The following GABPB1 variants were observed in gnomAD, a reference collection of about 807,000 sequenced individuals.
GABPB1 encodes the protein GA-binding protein subunit beta-1.
Under a neutral mutation model 45.9 loss-of-function variants are expected in GABPB1, and 15 were observed. The ratio of observed to expected loss-of-function variants is 0.33; its 90% CI spans 0.22 to 0.50. The LOEUF (loss-of-function observed/expected upper bound fraction) is 0.50. Ranked by LOEUF, GABPB1 falls within the 20% of genes least tolerant of loss-of-function variation. The pLI is 0.98. For synonymous variants in GABPB1, 143 were observed against 154.4 expected (o/e 0.93, Z 0.55); for missense variants, 252 against 457.5 (o/e 0.55, Z 4.10).
At chr15:50,329,060 GC>G (rs1216229824) in intron 1 of GABPB1, among the ~76,000 whole-genome samples, 1 of 152,084 alleles carries the variant, frequency 6.6e-6, no homozygotes, top group Non-Finnish European at 1.5e-5. Flanking sequence ...TTTCGATTTG[GC>G]TTTTCCATCT....
rs61483731 is a variant in GABPB1 at position 50,321,703 on chromosome 15, G to GAA, written c.1-11907_1-11906dup. ...GGCAATAGAGCAAGACTCCGTCTCAGAAAAAAAAAAAAAAAGCTCAATAAA... is the reference window on the plus strand; with the variant it reads ...GGCAATAGAGCAAGACTCCGTCTCAGAAAAAAAAAAAAAAAAAGCTCAATAAA... On this transcript the variant is annotated intron_variant, in intron 1 of 8. Transcript: ENST00000380877. Among the ~76,000 whole-genome samples, 234 of 123,082 alleles carry GAA rather than the reference G, an allele frequency of 1.9e-3. 2 individuals are homozygous for GAA. The highest frequency in any genetic ancestry group is 4.7e-3 in the Admixed American group (57 of 12,042). The allele number at this position is 123,082 out of a possible 152,430, so 80.7% of individuals were successfully genotyped here.
chr15:50,337,031 T>G (rs2048154077), intron 1 of GABPB1, among the ~76,000 whole-genome samples: 2 of 117,012 alleles, frequency 1.7e-5, no homozygotes. Flanking sequence ...GACAAAAGAG[T>G]GAGACCTTGC....
chr15:50,300,680 G>A, intron 6 of GABPB1, 109 bp downstream of exon 6: 1 of 669,836 alleles, frequency 1.5e-6, no homozygotes, highest in Admixed American at 2.2e-5. Context: ...CCTGAGCTCA[G>A]GCAATCCACC....
chr15:50,293,650 T>G (rs1363991600), intron 6 of GABPB1, among the ~76,000 whole-genome samples: 1 of 152,208 alleles, frequency 6.6e-6, no homozygotes, highest in Non-Finnish European at 1.5e-5. Context: ...GAATGCTAAC[T>G]ACAGATAGTA....
intron 8 of GABPB1, among the ~76,000 whole-genome samples, chr15:50,281,564 T>C (rs1177122867): frequency 6.6e-6 from 1 of 152,196 alleles, no homozygotes. Flanking sequence ...TATTTGCTTG[T>C]GTGTAAACAT....
At chr15:50,288,837 T>A (rs1225585887) in intron 7 of GABPB1, among the ~76,000 whole-genome samples, 1 of 152,004 alleles carries the variant, frequency 6.6e-6, no homozygotes, top group African/African-American at 2.4e-5. Flanking sequence ...TTTTTTTTTC[T>A]TTTTCTGAGA....
intron 1 of GABPB1, among the ~76,000 whole-genome samples, chr15:50,345,296 G>A (rs2048523397): frequency 6.6e-6 from 1 of 152,196 alleles, no homozygotes; most frequent in Non-Finnish European, 1.5e-5. Flanking sequence ...CCTCTGAAGC[G>A]ACAATCTGAA....
intron 6 of GABPB1, among the ~76,000 whole-genome samples, chr15:50,295,214 A>G (rs1218393056): frequency 1.3e-5 from 2 of 152,182 alleles, no homozygotes; most frequent in Non-Finnish European, 2.9e-5. Context: ...GGTTGACTGC[A>G]TTAGATTCCA....
chr15:50,286,388 A>G (rs1251868351), intron 7 of GABPB1, among the ~76,000 whole-genome samples: 2 of 152,044 alleles, frequency 1.3e-5, no homozygotes, highest in Admixed American at 6.6e-5. Flanking sequence ...TCTACTTATT[A>G]AAGTACCTAC....
In GABPB1 at chr15:50,355,087, A is replaced by G. The variant is rs560641539; in HGVS notation, c.-103T>C. On this transcript the variant is annotated 5_prime_UTR_variant, in exon 1 of 9. Coordinates refer to ENST00000380877, the MANE Select transcript of GABPB1 (RefSeq NM_016654.5). The stretch of plus-strand genomic sequence containing the variant: ...GGCTGACGCGGCCCCGCTACACACA[A>G]AGCGCTTCAGCTGCACAGGGCGCTA... 1.9e-4 allele frequency: 29 copies of G among 154,924 alleles called. No homozygotes were observed. The highest frequency in any genetic ancestry group is 6.7e-4 in the African/African-American group (28 of 41,550). The allele number at this position is 154,924 out of a possible 1,614,324, so 9.6% of individuals were successfully genotyped here.
chr15:50,322,923 G>A (rs1457878202), intron 1 of GABPB1, among the ~76,000 whole-genome samples: 8 of 152,064 alleles, frequency 5.3e-5, no homozygotes, highest in East Asian at 3.9e-4. Context: ...CAACTACTTC[G>A]GAGGCTAAGA....
chr15:50,326,332 G>A (rs922940761), intron 1 of GABPB1, among the ~76,000 whole-genome samples: 1 of 152,092 alleles, frequency 6.6e-6, no homozygotes, highest in African/African-American at 2.4e-5. Context: ...TGAACAACAT[G>A]GTGAAACCCT....
chr15:50,306,282 T>C (rs2046945143), intron 2 of GABPB1, among the ~76,000 whole-genome samples: 1 of 152,126 alleles, frequency 6.6e-6, no homozygotes, highest in Non-Finnish European at 1.5e-5. Context: ...ATATGTAGTT[T>C]AAGGCAAACA....
intron 6 of GABPB1, among the ~76,000 whole-genome samples, chr15:50,299,372 C>T (rs146946180): frequency 1.3e-5 from 2 of 152,170 alleles, no homozygotes; most frequent in Non-Finnish European, 2.9e-5. Context: ...TTCATGAATA[C>T]TGTTTGTCAT....
Position 50,334,602 on chromosome 15 carries a change from G to A in GABPB1, c.-1+20383C>T, listed in dbSNP as rs181172263. On this transcript the variant is annotated intron_variant, in intron 1 of 8. Coordinates refer to ENST00000380877, the MANE Select transcript of GABPB1 (RefSeq NM_016654.5). The stretch of plus-strand genomic sequence containing the variant: ...GGCTCACTATAACTTTGACTTCCTG[G>A]ACTCAAGTGATCCTCCCACATCAGC... Among the ~76,000 whole-genome samples the A allele has an allele frequency of 1.1e-4, 16 of 143,980 alleles. 1 individual carries two copies. The East Asian group carries it at 3.2e-3, about 29-fold the overall frequency. 94.5% of individuals were successfully genotyped at this position (143,980 alleles called of 152,430 possible). A position where few individuals can be genotyped will look rare whatever the true frequency, so the allele number is the denominator to read the frequency against.
At chr15:50,315,840 C>T (rs2141071500) in intron 1 of GABPB1, among the ~76,000 whole-genome samples, 2 of 152,164 alleles carry the variant, frequency 1.3e-5, no homozygotes, top group Middle Eastern at 6.8e-3. Flanking sequence ...TTTGGGAGGC[C>T]GAGAAGGGAA....
chr15:50,335,445 A>G (rs1201910942), intron 1 of GABPB1, among the ~76,000 whole-genome samples: 1 of 152,178 alleles, frequency 6.6e-6, no homozygotes, highest in Non-Finnish European at 1.5e-5. Context: ...AACATATTGA[A>G]AGCAAAAGTG....
intron 1 of GABPB1, chr15:50,350,813 C>T (rs2141189819): frequency 6.6e-6 from 1 of 152,316 alleles, no homozygotes; most frequent in East Asian, 1.9e-4. Flanking sequence ...TTGAAATCTG[C>T]TTCTTTTAAA....
intron 6 of GABPB1, among the ~76,000 whole-genome samples, chr15:50,297,496 G>A (rs1027330888): frequency 2.0e-5 from 3 of 152,174 alleles, no homozygotes; most frequent in Non-Finnish European, 4.4e-5. Flanking sequence ...TTACAGGAGT[G>A]AGCCTGCGCT....
Sources: allele counts gnomAD v4.1 joint callset (sites outside exome capture counted in the v4.1 genomes callset), GRCh38; gene constraint gnomAD v4.1.1; transcripts MANE v1.5; gene names NCBI Gene and HGNC (gene_info 2026-07-23, HGNC 2026-07-21).